CACNA2D3: variants seen among roughly 807,000 people sequenced by gnomAD.
The protein encoded by CACNA2D3 is calcium voltage-gated channel auxiliary subunit alpha2delta 3.
A neutral mutation model predicts 160.6 loss-of-function variants in CACNA2D3; 60 were observed. That is an observed-to-expected ratio of 0.37 (90% CI 0.30 to 0.46). The LOEUF (loss-of-function observed/expected upper bound fraction) is 0.46, where lower values mean the gene tolerates loss of function less well. Among genes scored for constraint, CACNA2D3 ranks in the 20% least tolerant of loss-of-function variants. CACNA2D3 has a pLI of 1.00. For missense variants in CACNA2D3, 1,205 were observed against 1,365.0 expected (o/e 0.88, Z 1.85); for synonymous variants, 558 against 492.9 (o/e 1.13, Z -1.75).
At chr3:55,056,061 C>G (rs1249898066) in intron 35 of CACNA2D3, among the ~76,000 whole-genome samples, 1 of 152,106 alleles carries the variant, frequency 6.6e-6, no homozygotes, top group African/African-American at 2.4e-5. Context: ...GAAAAAGGGT[C>G]AGTATCCAAA....
At chr3:54,505,812 G>T (rs552233684) in intron 5 of CACNA2D3, among the ~76,000 whole-genome samples, 1 of 152,168 alleles carries the variant, frequency 6.6e-6, no homozygotes, top group Non-Finnish European at 1.5e-5. Flanking sequence ...AGGCATAATT[G>T]TGCCTTTTAA....
At position 54,764,312 on chromosome 3, in the gene CACNA2D3, G is replaced by T. The variant is rs1401797942; in HGVS notation, c.1341G>T (p.Glu447Asp). 1.2e-6 allele frequency: 2 copies of T among 1,613,752 alleles called. No individual in the cohort carries two copies. Among genetic ancestry groups the T allele is most frequent in the Admixed American group, 1.7e-5 (1 of 59,992 alleles). ...VLSRPKVIDQ[E>D]HDVVWTEAYI... ...GCCGGCCCAAAGTCATCGACCAGGA[G>T]CATGATGTGGTGTGGACCGAAGCTT... The change falls in exon 13 of 38, where the codon GAG becomes GAT. Residue 447 changes from glutamate to aspartate, a missense_variant. Glu to Asp is a conservative substitution (Grantham distance 45). Transcript: ENST00000474759.
chr3:54,968,919 A>T (rs1702213346), intron 28 of CACNA2D3, among the ~76,000 whole-genome samples: 1 of 152,046 alleles, frequency 6.6e-6, no homozygotes, highest in African/African-American at 2.4e-5. Context: ...CATGTATCTG[A>T]CTTCTTTGTT....
intron 11 of CACNA2D3, among the ~76,000 whole-genome samples, chr3:54,683,614 G>A (rs964994520): frequency 6.6e-6 from 1 of 152,182 alleles, no homozygotes. Context: ...CAGGGAAAGC[G>A]ACCCTCCAGT....
At chr3:54,240,423 G>A (rs1251497772) in intron 2 of CACNA2D3, among the ~76,000 whole-genome samples, 1 of 152,182 alleles carries the variant, frequency 6.6e-6, no homozygotes, top group African/African-American at 2.4e-5. Flanking sequence ...GGCGGTTACT[G>A]AAAACCCTCT....
chr3:54,382,314 C>A (rs1403252379), intron 3 of CACNA2D3, among the ~76,000 whole-genome samples: 2 of 152,200 alleles, frequency 1.3e-5, no homozygotes, highest in South Asian at 2.1e-4. Context: ...ATTTTTCTTA[C>A]CTGCAGATTT....
intron 2 of CACNA2D3, among the ~76,000 whole-genome samples, chr3:54,247,734 T>C (rs560293366): frequency 4.6e-5 from 7 of 152,254 alleles, no homozygotes; most frequent in Non-Finnish European, 1.0e-4. Context: ...TAGTACTTGA[T>C]CTATAGTTCA....
intron 29 of CACNA2D3, among the ~76,000 whole-genome samples, chr3:54,975,028 A>G (rs1702354210): frequency 6.6e-6 from 1 of 152,286 alleles, no homozygotes; most frequent in Non-Finnish European, 1.5e-5. Flanking sequence ...ACTGGACTCT[A>G]GCTAATTCTG....
chr3:54,282,665 T>C (rs1405252724), intron 2 of CACNA2D3, among the ~76,000 whole-genome samples: 1 of 152,248 alleles, frequency 6.6e-6, no homozygotes, highest in Non-Finnish European at 1.5e-5. Flanking sequence ...GCTCTGGGTA[T>C]GCAATGAGCT....
chr3:54,209,475 A>G (rs1270198906), intron 2 of CACNA2D3, among the ~76,000 whole-genome samples: 3 of 152,228 alleles, frequency 2.0e-5, no homozygotes, highest in African/African-American at 7.2e-5. Context: ...TTATCCCTGT[A>G]CCGATTCTGT....
intron 2 of CACNA2D3, among the ~76,000 whole-genome samples, chr3:54,166,595 G>A (rs1700462391): frequency 6.6e-6 from 1 of 152,054 alleles, no homozygotes; most frequent in Non-Finnish European, 1.5e-5. Flanking sequence ...ATAATATGGG[G>A]GAAGATTTTA....
chr3:54,760,307 A>G (rs2107085934), intron 12 of CACNA2D3, among the ~76,000 whole-genome samples: 1 of 152,198 alleles, frequency 6.6e-6, no homozygotes, highest in African/African-American at 2.4e-5. Flanking sequence ...AGGGTGTCCC[A>G]GGCAGAGGGC....
chr3:54,130,995 G>T (rs1233523790), intron 2 of CACNA2D3, among the ~76,000 whole-genome samples: 1 of 152,200 alleles, frequency 6.6e-6, no homozygotes, highest in African/African-American at 2.4e-5. Flanking sequence ...TATCTTATAG[G>T]CTGTGATGAA....
intron 11 of CACNA2D3, among the ~76,000 whole-genome samples, chr3:54,664,468 C>T (rs1304275469): frequency 6.6e-6 from 1 of 152,218 alleles, no homozygotes; most frequent in South Asian, 2.1e-4. Context: ...GGATTGCTTA[C>T]TCCTCACCGC....
chr3:54,406,624 TATAGAG>T (rs1479153560), intron 4 of CACNA2D3, among the ~76,000 whole-genome samples: 2 of 151,924 alleles, frequency 1.3e-5, no homozygotes, highest in Non-Finnish European at 2.9e-5. Context: ...TGGTTAGATA[TATAGAG>T]ATAGAGAATA....
chr3:54,247,312 T>TCAAATAAACAAACAAACAAA (rs1553766683), intron 2 of CACNA2D3, among the ~76,000 whole-genome samples: 2 of 150,734 alleles, frequency 1.3e-5, no homozygotes, highest in Non-Finnish European at 2.9e-5. Flanking sequence ...CGACTCCATC[T>TCAAATAAACAAACAAACAAA]CAAACAAACA....
chr3:54,544,062 A>T (rs918753038), intron 5 of CACNA2D3, among the ~76,000 whole-genome samples: 3 of 152,262 alleles, frequency 2.0e-5, no homozygotes, highest in Admixed American at 2.0e-4. Flanking sequence ...CTTTATAAAT[A>T]GGCTTTGAGT....
At chr3:54,144,358 G>A (rs1037434546) in intron 2 of CACNA2D3, among the ~76,000 whole-genome samples, 1 of 152,200 alleles carries the variant, frequency 6.6e-6, no homozygotes, top group East Asian at 1.9e-4. Context: ...TTCTGTCTCT[G>A]TGAATTTGAT....
In CACNA2D3 at chr3:54,752,678, G is replaced by A. The variant is rs1284581673; in HGVS notation, c.1246+1G>A. The A allele has an allele frequency of 6.2e-7, 1 of 1,610,634 alleles. No individual in the cohort carries two copies. The highest frequency in any genetic ancestry group is 8.5e-7 in the Non-Finnish European group (1 of 1,177,920). On this transcript the variant is annotated splice_donor_variant, in intron 12 of 37. Coordinates refer to ENST00000474759, the MANE Select transcript of CACNA2D3 (RefSeq NM_018398.3). LOFTEE classifies it high-confidence loss of function. The stretch of plus-strand genomic sequence containing the variant: ...AAGTGGATGGCCTGTGCCAACAAAG[G>A]TGGGTCTTCGCATTGTGCTCGGCTC...
Sources: allele counts gnomAD v4.1 joint callset (sites outside exome capture counted in the v4.1 genomes callset), GRCh38; gene constraint gnomAD v4.1.1; transcripts MANE v1.5; gene names NCBI Gene and HGNC (gene_info 2026-07-23, HGNC 2026-07-21).